ARMH3: variants seen among roughly 807,000 people sequenced by gnomAD.
ARMH3 encodes armadillo like helical domain containing 3, also known as armadillo-like helical domain-containing protein 3.
Under a neutral mutation model 99.1 loss-of-function variants are expected in ARMH3, and 60 were observed. That is an observed-to-expected ratio of 0.61 (90% confidence interval 0.49 to 0.75). The LOEUF (loss-of-function observed/expected upper bound fraction) is 0.75. ARMH3 is among the 30% of genes least tolerant of loss of function. The probability of loss-of-function intolerance (pLI) is 0.00; values close to 1 mark genes in which losing one functional copy is unlikely to be tolerated. For synonymous variants in ARMH3, 285 were observed against 292.8 expected, an observed-to-expected ratio of 0.97 and a Z score of 0.27; for missense variants, 679 against 843.1, an observed-to-expected ratio of 0.81 and a Z score of 2.41.
chr10:101,893,221 C>T (rs2067734978), intron 23 of ARMH3, among the ~76,000 whole-genome samples: 1 of 152,136 alleles, frequency 6.6e-6, no homozygotes, highest in Non-Finnish European at 1.5e-5. Flanking sequence ...GTGTCCAGGA[C>T]CAACACGATT....
chr10:101,994,774 C>A (rs1408599295), intron 16 of ARMH3, among the ~76,000 whole-genome samples: 1 of 152,176 alleles, frequency 6.6e-6, no homozygotes, highest in Non-Finnish European at 1.5e-5. Context: ...TGGTGGCTCA[C>A]GCCTGTAATC....
At chr10:101,924,287 T>A (rs961111458) in intron 23 of ARMH3, among the ~76,000 whole-genome samples, 2 of 151,916 alleles carry the variant, frequency 1.3e-5, no homozygotes, top group Non-Finnish European at 2.9e-5. Flanking sequence ...TTCACCAAAA[T>A]AACAATAGTA....
intron 23 of ARMH3, among the ~76,000 whole-genome samples, chr10:101,926,106 C>T (rs894047678): frequency 6.6e-6 from 1 of 152,188 alleles, no homozygotes; most frequent in Admixed American, 6.5e-5. Flanking sequence ...AACTACTAAC[C>T]TGCAGGGGCA....
At chr10:101,879,884 T>C (rs1176549396) in intron 24 of ARMH3, among the ~76,000 whole-genome samples, 2 of 152,192 alleles carry the variant, frequency 1.3e-5, no homozygotes, top group Admixed American at 6.5e-5. Flanking sequence ...AGATGCCCTA[T>C]ATAACATAAA....
At chr10:101,867,849 C>G (rs2067040126) in intron 24 of ARMH3, among the ~76,000 whole-genome samples, 4 of 151,280 alleles carry the variant, frequency 2.6e-5, no homozygotes, top group Admixed American at 2.6e-4. Flanking sequence ...AAAGAAAAAG[C>G]CATGAAAGGC....
chr10:101,961,697 C>T (rs1158349265), intron 20 of ARMH3, among the ~76,000 whole-genome samples: 1 of 152,170 alleles, frequency 6.6e-6, no homozygotes. Context: ...CATACACACA[C>T]ATTTTTAGAA....
intron 2 of ARMH3, 56 bp from the exon 3 acceptor site, chr10:102,033,395 G>C: frequency 6.6e-7 from 1 of 1,525,264 alleles, no homozygotes; most frequent in Non-Finnish European, 9.0e-7. Flanking sequence ...AAAGCATTAA[G>C]AATACTATAC....
chr10:101,892,809 C>T (rs1376087310), intron 23 of ARMH3, among the ~76,000 whole-genome samples: 5 of 152,124 alleles, frequency 3.3e-5, no homozygotes, highest in Admixed American at 3.3e-4. Context: ...TAACCCAATG[C>T]CTGGTACACA....
chr10:102,032,939 G>A, intron 4 of ARMH3, 87 bp downstream of exon 4: 1 of 1,444,670 alleles, frequency 6.9e-7, no homozygotes, highest in Non-Finnish European at 9.4e-7. Flanking sequence ...ATACCTCAGA[G>A]CAACTCTAGG....
intron 8 of ARMH3, among the ~76,000 whole-genome samples, chr10:102,020,436 G>A (rs1409066880): frequency 6.6e-6 from 1 of 151,976 alleles, no homozygotes; most frequent in Non-Finnish European, 1.5e-5. Flanking sequence ...AAGCACTTTG[G>A]GAGGCCGAGG....
intron 4 of ARMH3, 163 bp downstream of exon 4, chr10:102,032,863 A>G: frequency 1.4e-6 from 1 of 709,414 alleles, no homozygotes; most frequent in Non-Finnish European, 2.3e-6. Flanking sequence ...TTGTATAAAT[A>G]GAAAGATGGC....
At chr10:101,978,956 T>C (rs1325341942) in intron 19 of ARMH3, among the ~76,000 whole-genome samples, 2 of 151,088 alleles carry the variant, frequency 1.3e-5, no homozygotes, top group African/African-American at 4.9e-5. Context: ...TAAAATTAAA[T>C]TAAATTAATA....
intron 1 of ARMH3, among the ~76,000 whole-genome samples, chr10:102,042,730 A>C (rs1198437657): frequency 6.6e-6 from 1 of 152,202 alleles, no homozygotes; most frequent in Non-Finnish European, 1.5e-5. Flanking sequence ...AACTCTAACA[A>C]AACTTTTTCC....
intron 24 of ARMH3, among the ~76,000 whole-genome samples, chr10:101,869,463 C>T (rs1015092041): frequency 6.6e-6 from 1 of 152,102 alleles, no homozygotes; most frequent in African/African-American, 2.4e-5. Context: ...AAAAATATAT[C>T]TTGAAAATCC....
intron 20 of ARMH3, among the ~76,000 whole-genome samples, chr10:101,960,091 T>C (rs1387690866): frequency 2.0e-5 from 3 of 152,072 alleles, no homozygotes; most frequent in Admixed American, 6.5e-5. Flanking sequence ...GGCAGAAGAA[T>C]TGCTTAAACC....
chr10:102,007,313 T>A (rs1373587284), intron 13 of ARMH3, among the ~76,000 whole-genome samples: 1 of 151,204 alleles, frequency 6.6e-6, no homozygotes, highest in African/African-American at 2.4e-5. Context: ...TTACATAAGT[T>A]TTTCTGTGGC....
At chr10:101,933,518 T>C (rs1843815107) in intron 23 of ARMH3, among the ~76,000 whole-genome samples, 2 of 152,262 alleles carry the variant, frequency 1.3e-5, no homozygotes, top group South Asian at 4.1e-4. Flanking sequence ...TGGGATTCAG[T>C]ATTTGGTTTT....
chr10:101,996,789 C>A (rs1847080534), intron 15 of ARMH3, among the ~76,000 whole-genome samples: 1 of 151,986 alleles, frequency 6.6e-6, no homozygotes, highest in Admixed American at 6.5e-5. Flanking sequence ...ATCATACCAC[C>A]CAAATGTTAT....
intron 23 of ARMH3, among the ~76,000 whole-genome samples, chr10:101,935,194 T>TATATATATATATATAC (rs1843907326): frequency 6.8e-6 from 1 of 147,824 alleles, no homozygotes; most frequent in Non-Finnish European, 1.5e-5. Flanking sequence ...TATATATATA[T>TATATATATATATATAC]ATATACATTT....
Sources: gnomAD v4.1 joint callset for allele counts (sites outside exome capture counted in the v4.1 genomes callset) on GRCh38, gnomAD v4.1.1 for gene constraint, MANE v1.5 for transcripts, NCBI Gene and HGNC (gene_info 2026-07-23, HGNC 2026-07-21) for gene names.